Variants in FCHSD2 observed in about 807,000 individuals in gnomAD.
The protein encoded by FCHSD2 is FCH and double SH3 domains 2.
Under a neutral mutation model 108.1 loss-of-function variants are expected in FCHSD2, and 38 were observed. The observed-to-expected ratio is 0.35, with a 90% CI of 0.27 to 0.46. The LOEUF (loss-of-function observed/expected upper bound fraction) is 0.46. Ranked by LOEUF, FCHSD2 falls within the 20% of genes least tolerant of loss-of-function variation. FCHSD2 has a pLI of 1.00. For synonymous variants in FCHSD2, 279 were observed against 314.7 expected, an observed-to-expected ratio of 0.89 and a Z score of 1.20; for missense variants, 751 against 897.8, an observed-to-expected ratio of 0.84 and a Z score of 2.09.
intron 9 of FCHSD2, among the ~76,000 whole-genome samples, chr11:72,909,852 GA>G (rs1181640228): frequency 1.3e-5 from 2 of 149,224 alleles, no homozygotes; most frequent in Non-Finnish European, 3.0e-5. Context: ...CCCCATCTGG[GA>G]AGTGAGGAGT....
At chr11:72,900,012 T>A (rs952048662) in intron 10 of FCHSD2, among the ~76,000 whole-genome samples, 1 of 152,168 alleles carries the variant, frequency 6.6e-6, no homozygotes, top group South Asian at 2.1e-4. Context: ...GCTCTAAGGT[T>A]CTCTCCAGCA....
intron 8 of FCHSD2, 149 bp downstream of exon 8, chr11:72,983,939 C>T (rs1857263360): frequency 1.1e-5 from 8 of 720,400 alleles, no homozygotes; most frequent in South Asian, 7.5e-5. Flanking sequence ...GAAACAGATG[C>T]TATCCAAACA....
chr11:72,999,483 C>T (rs1857583218), intron 5 of FCHSD2, among the ~76,000 whole-genome samples: 1 of 151,990 alleles, frequency 6.6e-6, no homozygotes, highest in Non-Finnish European at 1.5e-5. Flanking sequence ...CCACACCTGG[C>T]TAATTTTTGT....
At chr11:73,115,237 C>T (rs1353364782) in intron 2 of FCHSD2, among the ~76,000 whole-genome samples, 2 of 152,192 alleles carry the variant, frequency 1.3e-5, no homozygotes, top group Admixed American at 6.5e-5. Flanking sequence ...GTCTCAATCA[C>T]AGCACTCTCC....
chr11:72,851,101 CAAAAAAAAAAAA>C (rs55916551), intron 13 of FCHSD2, among the ~76,000 whole-genome samples: 2 of 70,110 alleles, frequency 2.9e-5, no homozygotes, highest in East Asian at 4.5e-4. Flanking sequence ...GACTCTGTCT[CAAAAAAAAAAAA>C]AAAAAAAAAA....
rs1176499713 is a variant in FCHSD2 at position 73,047,040 on chromosome 11, T to TA, written c.166-31156dup. Among the ~76,000 whole-genome samples, 3 of 152,198 alleles carry TA rather than the reference T, an allele frequency of 2.0e-5. No individual in the cohort carries two copies. In the East Asian group the frequency reaches 5.8e-4, roughly 29 times the overall value. On this transcript the variant is annotated intron_variant, in intron 3 of 19. Transcript: ENST00000409418. ...ATATCAATGATATTTTTATCAATGATAAAAAATACTATTAAATATAAAAGA... is the reference window on the plus strand; with the variant it reads ...ATATCAATGATATTTTTATCAATGATAAAAAAATACTATTAAATATAAAAGA...
At chr11:73,002,656 T>C (rs1037597339) in intron 4 of FCHSD2, among the ~76,000 whole-genome samples, 2 of 152,210 alleles carry the variant, frequency 1.3e-5, no homozygotes, top group African/African-American at 2.4e-5. Flanking sequence ...GGAAGGGAGA[T>C]ACCCTTCATC....
chr11:72,938,648 T>C (rs1013706900), intron 8 of FCHSD2, among the ~76,000 whole-genome samples: 6 of 151,940 alleles, frequency 3.9e-5, no homozygotes, highest in Non-Finnish European at 5.9e-5. Context: ...GAAGTCTCTA[T>C]AGGTTTGTCT....
At chr11:72,925,481 G>C (rs1371933908) in intron 8 of FCHSD2, among the ~76,000 whole-genome samples, 1 of 152,066 alleles carries the variant, frequency 6.6e-6, no homozygotes, top group South Asian at 2.1e-4. Context: ...ATCTATGATC[G>C]TGCCACTGCA....
intron 8 of FCHSD2, among the ~76,000 whole-genome samples, chr11:72,944,393 C>T (rs1393102825): frequency 4.6e-5 from 7 of 152,092 alleles, no homozygotes; most frequent in Admixed American, 1.3e-4. Flanking sequence ...ATTGATGGGA[C>T]GTATCTCAAA....
At chr11:73,041,265 A>G (rs997509852) in intron 3 of FCHSD2, among the ~76,000 whole-genome samples, 6 of 152,202 alleles carry the variant, frequency 3.9e-5, no homozygotes, top group African/African-American at 9.7e-5. Context: ...TTGCTGGATC[A>G]TACGGTAGTT....
chr11:72,911,824 C>G (rs1345515651), intron 9 of FCHSD2, among the ~76,000 whole-genome samples: 1 of 152,168 alleles, frequency 6.6e-6, no homozygotes, highest in Non-Finnish European at 1.5e-5. Context: ...TCAAGCGATT[C>G]TCCTGTCTCA....
At chr11:72,948,308 A>C (rs1856557215) in intron 8 of FCHSD2, among the ~76,000 whole-genome samples, 1 of 152,174 alleles carries the variant, frequency 6.6e-6, no homozygotes, top group Admixed American at 6.6e-5. Flanking sequence ...GTGCCCAGCC[A>C]CTGGATATCA....
At chr11:72,978,257 T>C (rs1857145400) in intron 8 of FCHSD2, among the ~76,000 whole-genome samples, 1 of 151,922 alleles carries the variant, frequency 6.6e-6, no homozygotes, top group South Asian at 2.1e-4. Flanking sequence ...CATGTATACA[T>C]ATGTAACAAA....
At chr11:73,061,959 T>C (rs1180148681) in intron 3 of FCHSD2, among the ~76,000 whole-genome samples, 1 of 152,106 alleles carries the variant, frequency 6.6e-6, no homozygotes, top group East Asian at 1.9e-4. Flanking sequence ...TCGAGCTCTG[T>C]GAAGGGTCAG....
At chr11:73,104,825 T>C (rs543904018) in intron 2 of FCHSD2, among the ~76,000 whole-genome samples, 1 of 152,330 alleles carries the variant, frequency 6.6e-6, no homozygotes, top group East Asian at 1.9e-4. Flanking sequence ...CCCAAAGTGC[T>C]GGGATTACAG....
intron 3 of FCHSD2, among the ~76,000 whole-genome samples, chr11:73,035,246 G>A (rs369135921): frequency 1.4e-4 from 22 of 152,134 alleles, no homozygotes; most frequent in East Asian, 3.9e-4. Context: ...AGGTTGGAGC[G>A]CAGTGGCGCG....
intron 18 of FCHSD2, 58 bp from the exon 19 acceptor site, chr11:72,841,017 T>A: frequency 7.6e-7 from 1 of 1,309,156 alleles, no homozygotes; most frequent in Non-Finnish European, 1.1e-6. Context: ...ATAATGCTGA[T>A]GCAAGGCTGG....
chr11:72,952,866 C>A (rs534180467), intron 8 of FCHSD2, among the ~76,000 whole-genome samples: 61 of 152,178 alleles, frequency 4.0e-4, no homozygotes. Context: ...TATAATAAAG[C>A]AATAAAAGCC....
Sources: gnomAD v4.1 joint callset for allele counts (sites outside exome capture counted in the v4.1 genomes callset) on GRCh38, gnomAD v4.1.1 for gene constraint, MANE v1.5 for transcripts, NCBI Gene and HGNC (gene_info 2026-07-23, HGNC 2026-07-21) for gene names.